PCDH7: variants seen among roughly 807,000 people sequenced by gnomAD.
The protein encoded by PCDH7 is protocadherin-7.
Under a neutral mutation model 58.9 loss-of-function variants are expected in PCDH7, and 17 were observed. The observed-to-expected ratio is 0.29, with a 90% CI of 0.20 to 0.43. The LOEUF is 0.43. Ranked by LOEUF, PCDH7 falls within the 20% of genes least tolerant of loss-of-function variation. PCDH7 has a pLI of 1.00. For missense variants in PCDH7, 1,274 were observed against 1,441.0 expected, an observed-to-expected ratio of 0.88 and a Z score of 1.88; for synonymous variants, 664 against 616.4, an observed-to-expected ratio of 1.08 and a Z score of -1.14.
intron 3 of PCDH7, among the ~76,000 whole-genome samples, chr4:31,122,434 C>T (rs186227908): frequency 1.3e-5 from 2 of 152,158 alleles, no homozygotes; most frequent in East Asian, 3.9e-4. Context: ...TTTGTTTTCC[C>T]TTTTAATTCT....
intron 3 of PCDH7, among the ~76,000 whole-genome samples, chr4:31,136,244 G>T (rs534867338): frequency 3.9e-5 from 6 of 152,190 alleles, no homozygotes; most frequent in Non-Finnish European, 7.3e-5. Context: ...CTACACGGCA[G>T]CCAGGACCAT....
chr4:30,949,926 T>G lies in PCDH7; in HGVS notation c.288-194T>G, dbSNP rs181501616. On this transcript the variant is annotated intron_variant, in intron 2 of 3. Transcript: ENST00000509759. ...ATTTGGAGAATCATAGTTGAAAGAC[T>G]GTTCAAATTAACACATTTCAAAATA... Among the ~76,000 whole-genome samples the G allele has an allele frequency of 5.8e-4, 88 of 152,320 alleles. 1 individual carries two copies. Among genetic ancestry groups the G allele is most frequent in the Admixed American group, 2.2e-3 (33 of 15,280 alleles).
At chr4:31,095,694 A>C (rs571299768) in intron 3 of PCDH7, among the ~76,000 whole-genome samples, 12 of 152,178 alleles carry the variant, frequency 7.9e-5, no homozygotes, top group Non-Finnish European at 1.6e-4. Context: ...TGGAGTATTT[A>C]ATTGAGATTA....
intron 1 of PCDH7, among the ~76,000 whole-genome samples, chr4:30,744,333 G>A (rs554928265): frequency 4.6e-4 from 70 of 152,288 alleles, no homozygotes; most frequent in Non-Finnish European, 7.4e-4. Context: ...CTAAAGGTCA[G>A]TAAAAGCAAA....
At chr4:31,113,041 A>G (rs1716519491) in intron 3 of PCDH7, among the ~76,000 whole-genome samples, 2 of 151,660 alleles carry the variant, frequency 1.3e-5, no homozygotes, top group Admixed American at 1.3e-4. Context: ...TCTTATTGGT[A>G]TTTTTTTTAA....
At chr4:30,944,135 T>G (rs1399946899) in intron 2 of PCDH7, among the ~76,000 whole-genome samples, 1 of 152,154 alleles carries the variant, frequency 6.6e-6, no homozygotes, top group African/African-American at 2.4e-5. Context: ...CTTTCAATTC[T>G]CATTCTCATA....
At chr4:30,985,518 C>T (rs1750895388) in intron 3 of PCDH7, among the ~76,000 whole-genome samples, 1 of 152,030 alleles carries the variant, frequency 6.6e-6, no homozygotes, top group Admixed American at 6.6e-5. Flanking sequence ...ACTATGCAGT[C>T]AACTTACTAA....
rs191772883 is a variant in PCDH7 at position 30,786,534 on chromosome 4, T to A, written c.70+61938T>A. 3.9e-3 allele frequency among the ~76,000 whole-genome samples: 588 copies of A among 151,768 alleles called. 7 individuals are homozygous for A. Among genetic ancestry groups the A allele is most frequent in the African/African-American group, 0.013 (526 of 41,524 alleles). On this transcript the variant is annotated intron_variant, in intron 1 of 3. Transcript: ENST00000509759. Reference sequence around the variant, plus strand: ...AGCCAGCTGTATTGATTTAGATGCCTCAGGGTTGTTAATTGTAGTGAGGAC... The same window carrying A: ...AGCCAGCTGTATTGATTTAGATGCCACAGGGTTGTTAATTGTAGTGAGGAC...
chr4:31,083,130 A>G (rs1711818489), intron 3 of PCDH7, among the ~76,000 whole-genome samples: 1 of 151,984 alleles, frequency 6.6e-6, no homozygotes. Flanking sequence ...AAAAACAAAA[A>G]CAAAAAAACT....
At chr4:31,082,607 G>T (rs1711639871) in intron 3 of PCDH7, among the ~76,000 whole-genome samples, 2 of 152,184 alleles carry the variant, frequency 1.3e-5, no homozygotes, top group Admixed American at 1.3e-4. Flanking sequence ...TTACAGGAAT[G>T]AAATAATGTC....
intron 1 of PCDH7, among the ~76,000 whole-genome samples, chr4:30,883,092 C>A (rs564372125): frequency 6.6e-6 from 1 of 152,170 alleles, no homozygotes; most frequent in Non-Finnish European, 1.5e-5. Context: ...CACATGTGCA[C>A]GGGCACACAC....
chr4:31,097,260 C>T (rs1307974554), intron 3 of PCDH7, among the ~76,000 whole-genome samples: 1 of 151,760 alleles, frequency 6.6e-6, no homozygotes, highest in African/African-American at 2.4e-5. Context: ...AGTTCGAGAC[C>T]AGGCTGGCCA....
At chr4:31,107,183 G>A (rs576461087) in intron 3 of PCDH7, among the ~76,000 whole-genome samples, 13 of 152,088 alleles carry the variant, frequency 8.5e-5, no homozygotes, top group East Asian at 5.8e-4. Context: ...AATTACCCAC[G>A]AAATTTTTTT....
At chr4:31,014,966 T>C (rs1263012729) in intron 3 of PCDH7, among the ~76,000 whole-genome samples, 7 of 152,136 alleles carry the variant, frequency 4.6e-5, no homozygotes, top group African/African-American at 7.2e-5. Flanking sequence ...GAAATTCTCT[T>C]GCATGCACAG....
intron 3 of PCDH7, among the ~76,000 whole-genome samples, chr4:30,953,245 GT>G (rs1697889661): frequency 6.6e-6 from 1 of 151,892 alleles, no homozygotes; most frequent in Admixed American, 6.6e-5. Context: ...AATTATCCCA[GT>G]TTTCCCTTTT....
At chr4:30,735,140 A>T (rs1472517788), downstream of PCDH7, among the ~76,000 whole-genome samples, 1 of 152,152 alleles carries the variant, frequency 6.6e-6, no homozygotes, top group Non-Finnish European at 1.5e-5. Context: ...GGGTATGAAG[A>T]ACAATCACAA....
chr4:30,979,826 C>T (rs1194573392), intron 3 of PCDH7, among the ~76,000 whole-genome samples: 1 of 151,982 alleles, frequency 6.6e-6, no homozygotes, highest in African/African-American at 2.4e-5. Flanking sequence ...TCCTATTGAG[C>T]CTGATTTTTC....
At chr4:31,088,008 A>G (rs1712696117) in intron 3 of PCDH7, among the ~76,000 whole-genome samples, 1 of 152,030 alleles carries the variant, frequency 6.6e-6, no homozygotes, top group Non-Finnish European at 1.5e-5. Context: ...TTGTTTTTGT[A>G]AGGAAACTAA....
At chr4:30,968,338 C>CTAT (rs1749192080) in intron 3 of PCDH7, among the ~76,000 whole-genome samples, 4 of 88,170 alleles carry the variant, frequency 4.5e-5, no homozygotes, top group South Asian at 3.8e-4. Context: ...TATATACACA[C>CTAT]ACTATATATA....
Sources: allele counts gnomAD v4.1 joint callset (sites outside exome capture counted in the v4.1 genomes callset), GRCh38; gene constraint gnomAD v4.1.1; transcripts MANE v1.5; gene names NCBI Gene and HGNC (gene_info 2026-07-23, HGNC 2026-07-21).